The following MYRFL variants were observed in gnomAD, a reference collection of about 807,000 sequenced individuals.
The protein encoded by MYRFL is myelin regulatory factor like, also known as myelin regulatory factor-like protein.
A neutral mutation model predicts 109.4 loss-of-function variants in MYRFL; 88 were observed. That is an observed-to-expected ratio of 0.80 (90% confidence interval 0.68 to 0.96). The LOEUF is 0.96. Among genes scored for constraint, MYRFL ranks in the 40% least tolerant of loss-of-function variants. MYRFL has a pLI of 0.00. For synonymous variants in MYRFL, 324 were observed against 320.9 expected, an observed-to-expected ratio of 1.01 and a Z score of -0.10; for missense variants, 957 against 954.9, an observed-to-expected ratio of 1.00 and a Z score of -0.03.
chr12:69,955,490 A>G, intron 22 of MYRFL, 53 bp downstream of exon 22: 1 of 537,568 alleles, frequency 1.9e-6, no homozygotes, highest in Non-Finnish European at 3.3e-6. Flanking sequence ...GTTGAATATG[A>G]AGTCTGGATT....
At chr12:69,919,157 G>A (rs1024056400) in intron 13 of MYRFL, among the ~76,000 whole-genome samples, 6 of 152,158 alleles carry the variant, frequency 3.9e-5, no homozygotes, top group Admixed American at 2.0e-4. Context: ...GAATATTGAG[G>A]TGCCTGTGTC....
rs1028105712 is a variant in MYRFL at position 69,878,885 on chromosome 12, C to A, written c.138-143C>A. On this transcript the variant is annotated intron_variant, in intron 2 of 24. Coordinates refer to ENST00000552032, the MANE Select transcript of MYRFL (RefSeq NM_182530.3). ...TTGGGCCTGGTCTGCTGGGGTCTCA[C>A]TTCCCAAACCCCTCACCCCCCCATG... 3 of 651,240 alleles carry A rather than the reference C, an allele frequency of 4.6e-6. No homozygotes were observed. The African/African-American group carries it at 5.3e-5, about 12-fold the overall frequency. 40.3% of individuals were successfully genotyped at this position (651,240 alleles called of 1,614,324 possible).
At chr12:69,953,819 C>T (rs1956039931) in intron 21 of MYRFL, among the ~76,000 whole-genome samples, 1 of 148,536 alleles carries the variant, frequency 6.7e-6, no homozygotes, top group African/African-American at 2.5e-5. Flanking sequence ...AGTTATTTTT[C>T]TTAATTTGAT....
intron 19 of MYRFL, among the ~76,000 whole-genome samples, chr12:69,939,710 T>G (rs527593744): frequency 0.032 from 4,914 of 152,140 alleles, 255 homozygotes; most frequent in African/African-American, 0.11. Context: ...TTTGACGAGC[T>G]GAGAGAAGAA....
At chr12:69,897,372 T>C in intron 10 of MYRFL, 126 bp downstream of exon 10, 1 of 761,102 alleles carries the variant, frequency 1.3e-6, no homozygotes, top group Non-Finnish European at 2.2e-6. Context: ...GCAGAAACTA[T>C]TATTTTAGTT....
chr12:69,911,881 T>G (rs1353791169), intron 13 of MYRFL, among the ~76,000 whole-genome samples: 2 of 152,204 alleles, frequency 1.3e-5, no homozygotes, highest in African/African-American at 4.8e-5. Flanking sequence ...AAAGTGCACA[T>G]GCATCACTGG....
chr12:69,845,333 T>C (rs555824291), intron 1 of MYRFL, among the ~76,000 whole-genome samples: 166 of 152,250 alleles, frequency 1.1e-3, no homozygotes, highest in African/African-American at 3.8e-3. Flanking sequence ...GGTAGGTCCT[T>C]AGTAAATTGT....
In MYRFL at chr12:69,932,530, A is replaced by AAGAC; in HGVS notation, c.1851_1854dup (p.Ala619ThrfsTer5). 1 of 1,535,928 alleles carries AAGAC rather than the reference A, an allele frequency of 6.5e-7. No homozygotes were observed. The highest frequency in any genetic ancestry group is 8.7e-7 in the Non-Finnish European group (1 of 1,146,724). On this transcript the variant is annotated frameshift_variant, in exon 16 of 25. Coordinates refer to ENST00000552032, the MANE Select transcript of MYRFL (RefSeq NM_182530.3). LOFTEE classifies it high-confidence loss of function. ...TTTTATAGGTTTATTTTTCAGGAAA[A>AAGAC]AGACAGGCGTGTCCTAATTGGGTTT...
At chr12:69,878,572 TCAG>T (rs1885841100) in intron 2 of MYRFL, among the ~76,000 whole-genome samples, 1 of 152,234 alleles carries the variant, frequency 6.6e-6, no homozygotes, top group East Asian at 1.9e-4. Flanking sequence ...AAAGATTCAA[TCAG>T]TGCCATTGGG....
At chr12:69,882,688 G>C (rs1886202025) in intron 5 of MYRFL, among the ~76,000 whole-genome samples, 2 of 152,186 alleles carry the variant, frequency 1.3e-5, no homozygotes, top group African/African-American at 2.4e-5. Flanking sequence ...GAGAGGAAGT[G>C]CTGGTAGGCA....
intron 1 of MYRFL, among the ~76,000 whole-genome samples, chr12:69,847,385 T>C (rs969083301): frequency 4.6e-5 from 7 of 152,208 alleles, no homozygotes; most frequent in Admixed American, 6.5e-5. Context: ...TCAACAAATA[T>C]TGTTTTTTTC....
Position 69,880,269 on chromosome 12 carries a change from T to A in MYRFL, c.533T>A (p.Val178Glu). The A allele has an allele frequency of 1.4e-6, 1 of 702,492 alleles. No homozygotes were observed. Among genetic ancestry groups the A allele is most frequent in the South Asian group, 1.5e-5 (1 of 67,538 alleles). The allele number at this position is 702,492 out of a possible 1,614,324, so 43.5% of individuals were successfully genotyped here. The change falls in exon 5 of 25, where the codon GTG (valine) becomes GAG (glutamate). Residue 178 changes from valine (V) to glutamate (E), a missense_variant. Coordinates refer to ENST00000552032, the MANE Select transcript of MYRFL (RefSeq NM_182530.3). ...QALEDSGECR[V>E]WACHCRPMTS... ...CTGGAGGACTCCGGGGAATGCCGAGTGTGGGCCTGCCACTGCAGACCGAGT... is the reference window on the plus strand; with the variant it reads ...CTGGAGGACTCCGGGGAATGCCGAGAGTGGGCCTGCCACTGCAGACCGAGT...
chr12:69,879,472 A>C lies in MYRFL; in HGVS notation c.464+19A>C. The C allele has an allele frequency of 5.8e-6, 4 of 694,660 alleles. No individual in the cohort carries two copies. The highest frequency in any genetic ancestry group is 1.1e-5 in the Non-Finnish European group (4 of 380,092). The allele number at this position is 694,660 out of a possible 1,614,324, so 43.0% of individuals were successfully genotyped here. On this transcript the variant is annotated intron_variant, in intron 4 of 24. Transcript: ENST00000552032. The stretch of plus-strand genomic sequence containing the variant: ...GCCCTGGGTAAAGAAAAAGATATTT[A>C]GTTATCAAAGACCTTTGCGGAAAGC...
chr12:69,834,527 C>G (rs182833342), intron 1 of MYRFL, among the ~76,000 whole-genome samples: 134 of 152,240 alleles, frequency 8.8e-4, no homozygotes, highest in Middle Eastern at 6.8e-3. Context: ...GATAATAACA[C>G]CTACCCTCTT....
intron 1 of MYRFL, among the ~76,000 whole-genome samples, chr12:69,833,849 G>A (rs544524410): frequency 3.7e-5 from 2 of 54,158 alleles, no homozygotes; most frequent in Admixed American, 2.2e-4. Context: ...TTTTTTTTTC[G>A]GTACAATTTG....
chr12:69,837,276 ATCC>A (rs1883004279), intron 1 of MYRFL, among the ~76,000 whole-genome samples: 1 of 152,160 alleles, frequency 6.6e-6, no homozygotes, highest in East Asian at 1.9e-4. Context: ...CCTCCCTTCT[ATCC>A]TCCTCTCACT....
chr12:69,925,763 A>G (rs1374294792), intron 13 of MYRFL, among the ~76,000 whole-genome samples: 2 of 140,176 alleles, frequency 1.4e-5, no homozygotes, highest in Non-Finnish European at 3.0e-5. Flanking sequence ...TTCTGTGAAC[A>G]GGAAGAAATA....
At chr12:69,934,543 C>T (rs1473254749) in intron 16 of MYRFL, among the ~76,000 whole-genome samples, 1 of 152,182 alleles carries the variant, frequency 6.6e-6, no homozygotes, top group Non-Finnish European at 1.5e-5. Context: ...TACCCATGCT[C>T]GGTGAGTCCC....
intron 13 of MYRFL, among the ~76,000 whole-genome samples, chr12:69,917,812 T>C (rs546580882): frequency 7.4e-4 from 112 of 152,172 alleles, no homozygotes; most frequent in Non-Finnish European, 1.4e-3. Flanking sequence ...GAAGTGGTTT[T>C]ATTGACTTAA....
Sources: allele counts gnomAD v4.1 joint callset (sites outside exome capture counted in the v4.1 genomes callset), GRCh38; gene constraint gnomAD v4.1.1; transcripts MANE v1.5; gene names NCBI Gene and HGNC (gene_info 2026-07-23, HGNC 2026-07-21).